The following ERC2 variants were observed in gnomAD, a reference collection of about 807,000 sequenced individuals.
ERC2 encodes ERC protein 2.
In ERC2, 42 loss-of-function variants were observed where a neutral mutation model predicts 114.8. The observed-to-expected ratio is 0.37, with a 90% CI of 0.29 to 0.47. ERC2 has a LOEUF of 0.47. Among genes scored for constraint, ERC2 ranks in the 20% least tolerant of loss-of-function variants. ERC2 has a pLI of 0.99. For synonymous variants in ERC2, 454 were observed against 425.5 expected, an observed-to-expected ratio of 1.07 and a Z score of -0.82; for missense variants, 939 against 1,150.7, an observed-to-expected ratio of 0.82 and a Z score of 2.66.
chr3:55,760,000 A>G (rs1051573134), intron 14 of ERC2, among the ~76,000 whole-genome samples: 37 of 152,320 alleles, frequency 2.4e-4, no homozygotes, highest in Admixed American at 2.4e-3. Context: ...TTTTACTTAC[A>G]GAGTGTCAGC....
At chr3:55,874,521 G>A (rs1394599540) in intron 14 of ERC2, among the ~76,000 whole-genome samples, 1 of 152,108 alleles carries the variant, frequency 6.6e-6, no homozygotes, top group Admixed American at 6.5e-5. Flanking sequence ...TACTTAATAT[G>A]AGAAATGTAA....
intron 3 of ERC2, among the ~76,000 whole-genome samples, chr3:56,286,531 T>G (rs1285011952): frequency 6.6e-6 from 1 of 152,020 alleles, no homozygotes; most frequent in Non-Finnish European, 1.5e-5. Flanking sequence ...TATAACTAAT[T>G]GCAGACAGGC....
At chr3:55,955,118 G>A (rs1326148965) in intron 12 of ERC2, 1 of 513,360 alleles carries the variant, frequency 1.9e-6, no homozygotes, top group Non-Finnish European at 3.9e-6. Flanking sequence ...GATGTATATA[G>A]ACACACATGC....
intron 14 of ERC2, among the ~76,000 whole-genome samples, chr3:55,796,912 A>C (rs1559669870): frequency 6.6e-6 from 1 of 152,200 alleles, no homozygotes; most frequent in South Asian, 2.1e-4. Flanking sequence ...AACAACCAAA[A>C]GGGGAAACAA....
intron 17 of ERC2, among the ~76,000 whole-genome samples, chr3:55,531,343 A>G (rs531876628): frequency 1.3e-5 from 2 of 152,308 alleles, no homozygotes; most frequent in South Asian, 4.1e-4. Context: ...CAAAGCAAGC[A>G]CAGTTTCCCT....
At position 56,007,308 on chromosome 3, in the gene ERC2, T is replaced by C; in HGVS notation, c.1934A>G (p.Asp645Gly). 6.3e-7 allele frequency: 1 copy of C among 1,597,548 alleles called. No homozygotes were observed. Among genetic ancestry groups the C allele is most frequent in the Non-Finnish European group, 8.5e-7 (1 of 1,171,768 alleles). The stretch of plus-strand genomic sequence containing the variant: ...TAATGAAGATGCATGTTCTTTGAGG[T>C]CAATTAAACTAGACTGAAAGAGAAA... The part of the protein sequence containing the change: ...ELTEKESSLI[D>G]LKEHASSLAS... The change falls in exon 10 of 18, where the codon GAC (aspartate) becomes GGC (glycine). Residue 645 changes from aspartate (D) to glycine (G), a missense_variant. Coordinates refer to ENST00000288221, the MANE Select transcript of ERC2 (RefSeq NM_015576.3).
At chr3:56,295,030 T>C (rs1423911980) in intron 3 of ERC2, among the ~76,000 whole-genome samples, 2 of 152,216 alleles carry the variant, frequency 1.3e-5, no homozygotes, top group Non-Finnish European at 2.9e-5. Flanking sequence ...TCTGCACTTT[T>C]GCAAATCCCA....
chr3:56,261,941 C>CA (rs2052962716), intron 3 of ERC2, among the ~76,000 whole-genome samples: 1 of 152,158 alleles, frequency 6.6e-6, no homozygotes, highest in African/African-American at 2.4e-5. Flanking sequence ...TTAGTTCCGA[C>CA]TTACAAGTGA....
intron 2 of ERC2, among the ~76,000 whole-genome samples, chr3:56,416,983 G>A (rs990282367): frequency 5.9e-5 from 9 of 152,152 alleles, no homozygotes. Context: ...ACTTGACTGG[G>A]GGGATCATTT....
intron 17 of ERC2, among the ~76,000 whole-genome samples, chr3:55,671,798 G>A (rs2061570957): frequency 1.3e-5 from 2 of 152,122 alleles, no homozygotes; most frequent in Non-Finnish European, 2.9e-5. Flanking sequence ...TATAGTCCAA[G>A]AGAAGTCAGG....
chr3:56,296,889 T>C (rs2055479443), intron 2 of ERC2, among the ~76,000 whole-genome samples: 1 of 152,156 alleles, frequency 6.6e-6, no homozygotes, highest in African/African-American at 2.4e-5. Context: ...ATGAAAATAA[T>C]AGCATCCACT....
intron 2 of ERC2, among the ~76,000 whole-genome samples, chr3:56,377,165 C>A (rs2059577449): frequency 6.6e-6 from 1 of 152,160 alleles, no homozygotes; most frequent in Non-Finnish European, 1.5e-5. Flanking sequence ...AGTAAGAATT[C>A]AGTATATACT....
At chr3:56,256,347 G>C (rs1003046200) in intron 3 of ERC2, among the ~76,000 whole-genome samples, 1 of 152,192 alleles carries the variant, frequency 6.6e-6, no homozygotes, top group African/African-American at 2.4e-5. Context: ...GAATAACAGA[G>C]AGTTGGACAC....
intron 4 of ERC2, among the ~76,000 whole-genome samples, chr3:56,164,530 A>G (rs1381038565): frequency 6.6e-6 from 1 of 152,068 alleles, no homozygotes; most frequent in East Asian, 1.9e-4. Context: ...AGCTTTTGCT[A>G]TTATAAATAA....
At chr3:55,721,443 T>C (rs576266310) in intron 15 of ERC2, among the ~76,000 whole-genome samples, 14 of 152,370 alleles carry the variant, frequency 9.2e-5, no homozygotes, top group Admixed American at 7.2e-4. Context: ...GGCCTTGTCA[T>C]AGATCAAGTA....
chr3:56,305,511 TCCACACAC>T (rs1408966785), intron 2 of ERC2, among the ~76,000 whole-genome samples: 2 of 89,718 alleles, frequency 2.2e-5, no homozygotes, highest in African/African-American at 8.5e-5. Flanking sequence ...CACTCTCTTA[TCCACACAC>T]ACACACACAC....
rs77125154 is a variant in ERC2 at position 56,064,412 on chromosome 3, C to G, written c.1641+16405G>C. 2.4e-3 allele frequency among the ~76,000 whole-genome samples: 372 copies of G among 152,306 alleles called. 2 individuals carry two copies. Among genetic ancestry groups the G allele is most frequent in the African/African-American group, 8.5e-3 (353 of 41,562 alleles). On this transcript the variant is annotated intron_variant, in intron 7 of 17. Coordinates refer to ENST00000288221, the MANE Select transcript of ERC2 (RefSeq NM_015576.3). Reference sequence around the variant, plus strand: ...CATAAACTTTTATAAATCAGTCTATCATATGTGACCTTAAGAATTTAACTT... The same window carrying G: ...CATAAACTTTTATAAATCAGTCTATGATATGTGACCTTAAGAATTTAACTT...
At chr3:56,234,770 G>A (rs1430335897) in intron 3 of ERC2, among the ~76,000 whole-genome samples, 2 of 152,178 alleles carry the variant, frequency 1.3e-5, no homozygotes, top group African/African-American at 4.8e-5. Context: ...AAGGGGGAAG[G>A]TGAGATAAAG....
intron 3 of ERC2, among the ~76,000 whole-genome samples, chr3:56,254,298 CAA>C (rs1164041334): frequency 6.6e-6 from 1 of 152,092 alleles, no homozygotes; most frequent in Admixed American, 6.6e-5. Flanking sequence ...ATACTCAGCC[CAA>C]GAGTTAACAG....
Sources: allele counts gnomAD v4.1 joint callset (sites outside exome capture counted in the v4.1 genomes callset), GRCh38; gene constraint gnomAD v4.1.1; transcripts MANE v1.5; gene names NCBI Gene and HGNC (gene_info 2026-07-23, HGNC 2026-07-21).